Variants in TBC1D2 observed in about 807,000 individuals in gnomAD.
The protein encoded by TBC1D2 is TBC1 domain family member 2A.
Under a neutral mutation model 91.1 loss-of-function variants are expected in TBC1D2, and 58 were observed. That is an observed-to-expected ratio of 0.64 (90% CI 0.52 to 0.79). TBC1D2 has a LOEUF of 0.79. TBC1D2 is among the 30% of genes least tolerant of loss of function. The pLI, the probability that TBC1D2 is intolerant of heterozygous loss-of-function variation, is 0.00. For missense variants in TBC1D2, 1,080 were observed against 1,208.3 expected (o/e 0.89, Z 1.57); for synonymous variants, 482 against 511.5 (o/e 0.94, Z 0.78).
intron 6 of TBC1D2, among the ~76,000 whole-genome samples, chr9:98,220,303 C>T (rs757698712): frequency 1.8e-4 from 28 of 152,128 alleles, no homozygotes; most frequent in Non-Finnish European, 3.1e-4. Flanking sequence ...AGGGCTGGCG[C>T]GAGGACTAAA....
intron 6 of TBC1D2, 199 bp from the exon 7 acceptor site, chr9:98,213,417 G>A (rs1828898812): frequency 7.2e-7 from 1 of 1,383,396 alleles, no homozygotes; most frequent in African/African-American, 1.5e-5. Context: ...ATGTGGTAAA[G>A]GGACCAGTAG....
Position 98,213,432 on chromosome 9 carries a change from GAATT to G in TBC1D2, c.1375-218_1375-215del, listed in dbSNP as rs1227925558. On this transcript the variant is annotated intron_variant, in intron 6 of 12. Transcript: ENST00000465784. ...ATGTGGTAAAGGGACCAGTAGGTCTGAATTTAAGTCCTGGCTGATGTTCTGGCTG... is the reference window on the plus strand; with the variant it reads ...ATGTGGTAAAGGGACCAGTAGGTCTGTAAGTCCTGGCTGATGTTCTGGCTG... 8 of 1,360,424 alleles carry G rather than the reference GAATT, an allele frequency of 5.9e-6. No individual in the cohort carries two copies. In the African/African-American group the frequency reaches 7.4e-5, roughly 13 times the overall value. The allele number at this position is 1,360,424 out of a possible 1,614,324, so 84.3% of individuals were successfully genotyped here. A position where few individuals can be genotyped will look rare whatever the true frequency, so the allele number is the denominator to read the frequency against.
chr9:98,243,779 C>T (rs1014831866), intron 3 of TBC1D2, among the ~76,000 whole-genome samples: 3 of 152,118 alleles, frequency 2.0e-5, no homozygotes, highest in South Asian at 2.1e-4. Context: ...TCCAGTGATC[C>T]GCCCACCTCG....
At chr9:98,201,921 G>A (rs1387666873) in intron 10 of TBC1D2, among the ~76,000 whole-genome samples, 2 of 152,194 alleles carry the variant, frequency 1.3e-5, no homozygotes, top group African/African-American at 4.8e-5. Context: ...GTGGAGCCAT[G>A]TGGGCTGGCA....
In TBC1D2 at chr9:98,209,007, T is replaced by C. The variant is rs746627979; in HGVS notation, c.1811A>G (p.Glu604Gly). Residue 604 changes from glutamate (E) to glycine (G), a missense_variant, in exon 9 of 13, where the codon GAG becomes GGG. Physicochemically the swap from Glu to Gly is moderately conservative, Grantham distance 98. Coordinates refer to ENST00000465784, the MANE Select transcript of TBC1D2 (RefSeq NM_001267571.2). ...GLEAVDRPLRERWAALGDLVP... is the reference protein window; with the variant it reads ...GLEAVDRPLRGRWAALGDLVP... ...AAGATCGCCCAGGGCAGCCCAGCGC[T>C]CCCTCAGCGGCCGATCCACAGCCTC... 1 of 1,614,020 alleles carries C rather than the reference T, an allele frequency of 6.2e-7. No individual in the cohort carries two copies. The highest frequency in any genetic ancestry group is 2.2e-5 in the East Asian group (1 of 44,870).
At chr9:98,211,874 T>G (rs1251334344) in intron 7 of TBC1D2, among the ~76,000 whole-genome samples, 1 of 151,990 alleles carries the variant, frequency 6.6e-6, no homozygotes, top group South Asian at 2.1e-4. Context: ...CTTGGCTCAC[T>G]GCAACCTCTA....
intron 6 of TBC1D2, 42 bp downstream of exon 6, chr9:98,220,791 G>A: frequency 1.9e-6 from 3 of 1,603,140 alleles, no homozygotes; most frequent in East Asian, 2.2e-5. Context: ...GGCTGGGACA[G>A]AGGACCGGCA....
intron 9 of TBC1D2, among the ~76,000 whole-genome samples, chr9:98,206,387 C>T (rs949105892): frequency 2.0e-5 from 3 of 152,148 alleles, no homozygotes; most frequent in Non-Finnish European, 2.9e-5. Flanking sequence ...GGGGACCTTC[C>T]GCCTCTCTTG....
chr9:98,213,831 G>A (rs952461306), intron 6 of TBC1D2, among the ~76,000 whole-genome samples: 1 of 152,120 alleles, frequency 6.6e-6, no homozygotes, highest in African/African-American at 2.4e-5. Flanking sequence ...TGGGGTGTTT[G>A]CAGTTGGTTT....
chr9:98,206,463 C>G (rs1828657782), intron 9 of TBC1D2, among the ~76,000 whole-genome samples: 1 of 152,308 alleles, frequency 6.6e-6, no homozygotes, highest in South Asian at 2.1e-4. Context: ...CAGGGAGAAG[C>G]TTCTCTCCTC....
intron 5 of TBC1D2, among the ~76,000 whole-genome samples, chr9:98,224,283 T>TC (rs1829177521): frequency 7.1e-6 from 1 of 141,568 alleles, no homozygotes; most frequent in African/African-American, 2.6e-5. Flanking sequence ...TTCTTTTCTT[T>TC]TTTTTTTTTT....
intron 10 of TBC1D2, among the ~76,000 whole-genome samples, 176 bp downstream of exon 10, chr9:98,203,112 T>C (rs375014740): frequency 2.6e-5 from 4 of 152,372 alleles, no homozygotes; most frequent in African/African-American, 7.2e-5. Context: ...TAATCCCCGA[T>C]TGAAGCTGTT....
chr9:98,236,435 C>T (rs1368455316), intron 3 of TBC1D2, among the ~76,000 whole-genome samples: 1 of 152,206 alleles, frequency 6.6e-6, no homozygotes, highest in East Asian at 1.9e-4. Flanking sequence ...TTTGGTCAGG[C>T]TGGTCTCAAA....
chr9:98,239,034 T>C (rs1311659436), intron 3 of TBC1D2, among the ~76,000 whole-genome samples: 2 of 152,032 alleles, frequency 1.3e-5, no homozygotes, highest in Admixed American at 6.6e-5. Context: ...CCTTCTAGAC[T>C]TTTAAAAAAA....
intron 3 of TBC1D2, among the ~76,000 whole-genome samples, chr9:98,242,245 G>A (rs1829656428): frequency 6.6e-6 from 1 of 151,970 alleles, no homozygotes; most frequent in Non-Finnish European, 1.5e-5. Flanking sequence ...TTTGAGACCA[G>A]CCTGGCCAAC....
At chr9:98,209,735 TTCTTTCCTTTCCTTCC>T (rs1424834418) in intron 8 of TBC1D2, among the ~76,000 whole-genome samples, 5 of 147,942 alleles carry the variant, frequency 3.4e-5, no homozygotes, top group South Asian at 4.4e-4. Flanking sequence ...CCTTCCTTCC[TTCTTTCCTTTCCTTCC>T]TTCCTTTCCT....
At chr9:98,247,316 C>T (rs1829783923) in intron 2 of TBC1D2, among the ~76,000 whole-genome samples, 3 of 138,328 alleles carry the variant, frequency 2.2e-5, no homozygotes, top group Non-Finnish European at 3.1e-5. Context: ...TGTGACAGGG[C>T]GAGACTCCGT....
chr9:98,207,854 C>T (rs3780448), intron 9 of TBC1D2, among the ~76,000 whole-genome samples: 1 of 152,166 alleles, frequency 6.6e-6, no homozygotes, highest in African/African-American at 2.4e-5. Context: ...ATGAAGGCTG[C>T]CCCCTGGGGT....
At chr9:98,249,445 A>G (rs1345507355) in intron 2 of TBC1D2, among the ~76,000 whole-genome samples, 1 of 152,210 alleles carries the variant, frequency 6.6e-6, no homozygotes, top group Non-Finnish European at 1.5e-5. Context: ...CCGTTCTTCC[A>G]CAATCTGCTT....
Sources: allele counts gnomAD v4.1 joint callset (sites outside exome capture counted in the v4.1 genomes callset), GRCh38; gene constraint gnomAD v4.1.1; transcripts MANE v1.5; gene names NCBI Gene and HGNC (gene_info 2026-07-23, HGNC 2026-07-21).